ABLIM1: variants seen among roughly 807,000 people sequenced by gnomAD.
ABLIM1 encodes actin binding LIM protein 1, also known as actin-binding LIM protein 1.
ABLIM1 carries 40 observed loss-of-function variants against 107.0 expected under a neutral mutation model. The ratio of observed to expected loss-of-function variants is 0.37; its 90% CI spans 0.29 to 0.49. ABLIM1 has a LOEUF of 0.49. Among genes scored for constraint, ABLIM1 ranks in the 20% least tolerant of loss-of-function variants. ABLIM1 has a pLI of 0.97. For missense variants in ABLIM1, 857 were observed against 1,008.5 expected, an observed-to-expected ratio of 0.85 and a Z score of 2.04; for synonymous variants, 357 against 357.3, an observed-to-expected ratio of 1.00 and a Z score of 0.01.
chr10:114,613,642 C>CAG (rs2076955382), intron 1 of ABLIM1: 1 of 1,317,420 alleles, frequency 7.6e-7, no homozygotes, highest in African/African-American at 1.5e-5. Flanking sequence ...AATAAAGACA[C>CAG]AAACCTGCCC....
rs554973013 is a variant in ABLIM1 at position 114,693,412 on chromosome 10, C to A, written c.-213+74649G>T. Among the ~76,000 whole-genome samples, 14 of 152,246 alleles carry A rather than the reference C, an allele frequency of 9.2e-5. No individual in the cohort carries two copies. In the South Asian group the frequency reaches 2.9e-3, roughly 32 times the overall value. ...CTACAGCAAGTGAGAGAATGAGTAG[C>A]CAAGGCAGGAGTGGACCAGCCACAG... On this transcript the variant is annotated intron_variant, in intron 1 of 15. Transcript: ENST00000651092.
intron 1 of ABLIM1, among the ~76,000 whole-genome samples, chr10:114,732,554 C>T (rs1342964776): frequency 6.6e-6 from 1 of 152,104 alleles, no homozygotes; most frequent in Non-Finnish European, 1.5e-5. Flanking sequence ...TCATTTAAAG[C>T]ACAAAAGATT....
chr10:114,712,922 C>T (rs2081583316), intron 1 of ABLIM1, among the ~76,000 whole-genome samples: 3 of 152,168 alleles, frequency 2.0e-5, no homozygotes, highest in Admixed American at 2.0e-4. Flanking sequence ...CAGTGGCTCA[C>T]ACATGTAGTC....
At chr10:114,606,743 G>A (rs562139484) in intron 1 of ABLIM1, among the ~76,000 whole-genome samples, 97 of 152,264 alleles carry the variant, frequency 6.4e-4, no homozygotes, top group African/African-American at 2.1e-3. Flanking sequence ...GAGTTCTCAG[G>A]TAGGAAGAGC....
intron 1 of ABLIM1, among the ~76,000 whole-genome samples, chr10:114,603,092 A>G (rs77388203): frequency 0.029 from 4,364 of 152,308 alleles, 206 homozygotes; most frequent in African/African-American, 0.098. Context: ...TGGGACAAGA[A>G]CATTGAACCT....
intron 6 of ABLIM1, among the ~76,000 whole-genome samples, chr10:114,528,022 GA>G (rs2065039225): frequency 6.6e-6 from 1 of 151,772 alleles, no homozygotes; most frequent in African/African-American, 2.4e-5. Flanking sequence ...ATTTTTAGTA[GA>G]GATGGGGTTT....
At chr10:114,637,805 G>C (rs951946621) in intron 1 of ABLIM1, among the ~76,000 whole-genome samples, 4 of 152,174 alleles carry the variant, frequency 2.6e-5, no homozygotes, top group African/African-American at 9.7e-5. Context: ...CCTAACTTCA[G>C]ACTCACGAGT....
chr10:114,617,735 C>T (rs1033594581), intron 1 of ABLIM1, among the ~76,000 whole-genome samples: 1 of 152,188 alleles, frequency 6.6e-6, no homozygotes, highest in Non-Finnish European at 1.5e-5. Context: ...AATTTTCGCA[C>T]ACTATTTCAC....
the ABLIM1 span, among the ~76,000 whole-genome samples, chr10:114,795,680 G>C: frequency 6.6e-6 from 1 of 150,556 alleles, no homozygotes; most frequent in African/African-American, 2.5e-5. Context: ...TTGTACTCCA[G>C]TCTGGGCAAC....
chr10:114,578,878 C>T (rs1487254532), intron 2 of ABLIM1, among the ~76,000 whole-genome samples: 1 of 148,998 alleles, frequency 6.7e-6, no homozygotes, highest in Non-Finnish European at 1.5e-5. Context: ...CCTCTGCCTC[C>T]TGGGTTCAAG....
At chr10:114,562,647 C>G (rs1246060398) in intron 4 of ABLIM1, among the ~76,000 whole-genome samples, 1 of 152,206 alleles carries the variant, frequency 6.6e-6, no homozygotes, top group Non-Finnish European at 1.5e-5. Context: ...GAGAAAATAA[C>G]AGAGAGTTTA....
intron 1 of ABLIM1, among the ~76,000 whole-genome samples, chr10:114,608,834 G>A (rs1263314062): frequency 6.6e-6 from 1 of 151,316 alleles, no homozygotes; most frequent in East Asian, 2.0e-4. Context: ...GGTCAACATG[G>A]CAAAACCCTG....
chr10:114,470,259 C>A (rs1319289480), intron 10 of ABLIM1, among the ~76,000 whole-genome samples: 1 of 151,984 alleles, frequency 6.6e-6, no homozygotes, highest in African/African-American at 2.4e-5. Context: ...CCCAACTCTA[C>A]TGAAAATACA....
intron 1 of ABLIM1, among the ~76,000 whole-genome samples, chr10:114,612,141 C>T (rs940223824): frequency 1.3e-5 from 2 of 152,294 alleles, no homozygotes; most frequent in African/African-American, 4.8e-5. Flanking sequence ...GCTGAAATTT[C>T]ATTGCCATTG....
At chr10:114,525,258 C>A (rs934561067) in intron 6 of ABLIM1, among the ~76,000 whole-genome samples, 1 of 152,196 alleles carries the variant, frequency 6.6e-6, no homozygotes, top group Non-Finnish European at 1.5e-5. Flanking sequence ...AAATCATGAC[C>A]ATCCCTCCAG....
chr10:114,671,500 T>A (rs1413386869), intron 1 of ABLIM1, among the ~76,000 whole-genome samples: 1 of 152,208 alleles, frequency 6.6e-6, no homozygotes, highest in East Asian at 1.9e-4. Flanking sequence ...TGTATATAGA[T>A]GTATAGAAGA....
At chr10:114,567,472 TG>T (rs2070925852) in intron 4 of ABLIM1, among the ~76,000 whole-genome samples, 1 of 152,212 alleles carries the variant, frequency 6.6e-6, no homozygotes. Flanking sequence ...ATAAGTACTA[TG>T]GGAGTGCTTG....
chr10:114,666,891 T>A (rs2080048279), intron 1 of ABLIM1, among the ~76,000 whole-genome samples: 1 of 152,208 alleles, frequency 6.6e-6, no homozygotes, highest in South Asian at 2.1e-4. Context: ...GAGCCAGTAC[T>A]CAGATCCAAG....
At chr10:114,440,148 C>A in intron 19 of ABLIM1, 59 bp from the exon 20 acceptor site, 3 of 1,479,614 alleles carry the variant, frequency 2.0e-6, no homozygotes, top group South Asian at 2.3e-5. Context: ...AGCAAGGAAC[C>A]ATTCACAGAC....
Sources: gnomAD v4.1 joint callset for allele counts (sites outside exome capture counted in the v4.1 genomes callset) on GRCh38, gnomAD v4.1.1 for gene constraint, MANE v1.5 for transcripts, NCBI Gene and HGNC (gene_info 2026-07-23, HGNC 2026-07-21) for gene names.